The following ABCA10 variants were observed in gnomAD, a reference collection of about 807,000 sequenced individuals.
ABCA10 encodes the protein ATP binding cassette subfamily A member 10, also known as ATP-binding cassette sub-family A member 10.
Under a neutral mutation model 187.5 loss-of-function variants are expected in ABCA10, and 169 were observed. That is an observed-to-expected ratio of 0.90 (90% CI 0.80 to 1.02). The LOEUF (loss-of-function observed/expected upper bound fraction) is 1.02. Ranked by LOEUF, ABCA10 falls within the 50% of genes least tolerant of loss-of-function variation. ABCA10 has a pLI of 0.00. For missense variants in ABCA10, 1,727 were observed against 1,812.4 expected (o/e 0.95, Z 0.86); for synonymous variants, 574 against 601.8 (o/e 0.95, Z 0.68).
At chr17:69,194,345 G>A in intron 12 of ABCA10, 40 bp downstream of exon 12, 1 of 1,519,210 alleles carries the variant, frequency 6.6e-7, no homozygotes, top group Non-Finnish European at 9.1e-7. Context: ...TTTACAACTT[G>A]CTTTTTCAGC....
At chr17:69,243,655 T>C (rs1206209776) in intron 1 of ABCA10, among the ~76,000 whole-genome samples, 3 of 152,166 alleles carry the variant, frequency 2.0e-5, no homozygotes, top group Non-Finnish European at 4.4e-5. Context: ...TCCGACACTT[T>C]GGGAGGCCAA....
At chr17:69,222,732 G>A in intron 3 of ABCA10, 35 bp from the exon 4 acceptor site, 1 of 1,521,560 alleles carries the variant, frequency 6.6e-7, no homozygotes, top group Non-Finnish European at 8.7e-7. Context: ...AAATAATCAT[G>A]TAAACTTATT....
intron 25 of ABCA10, among the ~76,000 whole-genome samples, chr17:69,171,067 T>C (rs2074294385): frequency 6.6e-6 from 1 of 152,200 alleles, no homozygotes; most frequent in Admixed American, 6.5e-5. Flanking sequence ...CTTTTGGGGA[T>C]GAAAACATCC....
chr17:69,192,652 A>C lies in ABCA10; in HGVS notation c.1782T>G (p.Asp594Glu), dbSNP rs767944610. The C allele has an allele frequency of 3.1e-6, 5 of 1,610,382 alleles. No homozygotes were observed. Among genetic ancestry groups the C allele is most frequent in the Middle Eastern group, 1.7e-4 (1 of 6,046 alleles). ...TCCCATTAGACAGAAATACTTTCCT[A>C]TCTGAGTAGAAAGGAAGATTCAAAA... ...QFMDEADILADRKVFLSNGKL... is the reference protein window; with the variant it reads ...QFMDEADILAERKVFLSNGKL... The change falls in exon 16 of 39, where the codon GAT becomes GAG. Residue 594 changes from aspartate (D) to glutamate (E), a missense_variant and splice_region_variant. Transcript: ENST00000690296.
intron 25 of ABCA10, among the ~76,000 whole-genome samples, chr17:69,171,222 G>C (rs1171903095): frequency 2.0e-5 from 3 of 152,122 alleles, no homozygotes; most frequent in Non-Finnish European, 2.9e-5. Flanking sequence ...TAGAAATGTT[G>C]TTTTCAATGA....
chr17:69,179,189 A>G (rs1253897483), intron 22 of ABCA10, among the ~76,000 whole-genome samples: 1 of 97,038 alleles, frequency 1.0e-5, no homozygotes, highest in Non-Finnish European at 2.5e-5. Context: ...TCTCAAAAAA[A>G]AACAAAAAAA....
At chr17:69,230,353 A>G (rs755944114), upstream of ABCA10, among the ~76,000 whole-genome samples, 14 of 152,232 alleles carry the variant, frequency 9.2e-5, no homozygotes, top group South Asian at 6.2e-4. Context: ...AGGGATTTCA[A>G]TCTCCAATAC....
intron 18 of ABCA10, among the ~76,000 whole-genome samples, chr17:69,188,857 G>T (rs1368913571): frequency 6.6e-6 from 1 of 152,040 alleles, no homozygotes; most frequent in Non-Finnish European, 1.5e-5. Flanking sequence ...TTGCTGCAAA[G>T]GACATGATCT....
At chr17:69,149,349 T>G (rs940559640) in intron 37 of ABCA10, 3 of 419,526 alleles carry the variant, frequency 7.2e-6, no homozygotes, top group Non-Finnish European at 8.5e-6. Context: ...TTTACATATA[T>G]GCTTTGGACT....
chr17:69,197,519 A>C (rs1240421905), intron 10 of ABCA10, among the ~76,000 whole-genome samples: 1 of 152,146 alleles, frequency 6.6e-6, no homozygotes, highest in Non-Finnish European at 1.5e-5. Flanking sequence ...CCCTATTTCC[A>C]TTGCTTTATC....
rs1433922243 is a variant in ABCA10, at chr17:69,225,403, G to C, written c.-45C>G. 1 of 1,604,192 alleles carries C rather than the reference G, an allele frequency of 6.2e-7. No individual in the cohort carries two copies. Among genetic ancestry groups the C allele is most frequent in the Non-Finnish European group, 8.5e-7 (1 of 1,172,412 alleles). On this transcript the variant is annotated 5_prime_UTR_variant, in exon 3 of 39. Coordinates refer to ENST00000690296, the MANE Select transcript of ABCA10 (RefSeq NM_001377321.1). ...CTGACTGGTGTATATGCCACTACCA[G>C]GCCAGAGTCATTAAACTGATCCACG...
At chr17:69,238,941 T>C (rs1044472221) in intron 1 of ABCA10, among the ~76,000 whole-genome samples, 1 of 152,226 alleles carries the variant, frequency 6.6e-6, no homozygotes, top group South Asian at 2.1e-4. Flanking sequence ...CCCCTACAGA[T>C]GCAATGTTCT....
intron 8 of ABCA10, 48 bp from the exon 9 acceptor site, chr17:69,214,899 A>G: frequency 7.4e-7 from 1 of 1,360,336 alleles, no homozygotes; most frequent in Non-Finnish European, 9.8e-7. Flanking sequence ...TTATAAAACT[A>G]AATAAAACAA....
At chr17:69,172,768 C>A (rs2074307313) in intron 25 of ABCA10, among the ~76,000 whole-genome samples, 1 of 148,980 alleles carries the variant, frequency 6.7e-6, no homozygotes. Flanking sequence ...TCAAGAATAT[C>A]AAAAATCACA....
At chr17:69,241,452 C>T (rs2074902931) in intron 1 of ABCA10, among the ~76,000 whole-genome samples, 1 of 152,174 alleles carries the variant, frequency 6.6e-6, no homozygotes, top group Admixed American at 6.5e-5. Context: ...TGTTGCCACA[C>T]CTCTACTCAA....
chr17:69,234,488 T>C (rs1224105708), intron 1 of ABCA10: 22 of 152,374 alleles, frequency 1.4e-4, no homozygotes. Flanking sequence ...ATTTCCAGGC[T>C]TGAACCCAGA....
chr17:69,208,846 G>A (rs2074613116), intron 9 of ABCA10, among the ~76,000 whole-genome samples: 1 of 152,040 alleles, frequency 6.6e-6, no homozygotes, highest in African/African-American at 2.4e-5. Context: ...AGACCAGCCT[G>A]GGCAACGTAG....
chr17:69,157,316 GAGCAGAA>G (rs1410732608), intron 27 of ABCA10, among the ~76,000 whole-genome samples: 1 of 152,130 alleles, frequency 6.6e-6, no homozygotes, highest in African/African-American at 2.4e-5. Context: ...CCATGTCCAG[GAGCAGAA>G]GACAGAAGAA....
At chr17:69,176,527 G>C (rs571342980) in intron 22 of ABCA10, among the ~76,000 whole-genome samples, 1 of 152,176 alleles carries the variant, frequency 6.6e-6, no homozygotes, top group East Asian at 1.9e-4. Context: ...TATTAGTAAA[G>C]ATGTGGGAAG....
Sources: allele counts gnomAD v4.1 joint callset (sites outside exome capture counted in the v4.1 genomes callset), GRCh38; gene constraint gnomAD v4.1.1; transcripts MANE v1.5; gene names NCBI Gene and HGNC (gene_info 2026-07-23, HGNC 2026-07-21).